The following CPVL variants were observed in gnomAD, a reference collection of about 807,000 sequenced individuals.
CPVL encodes the protein probable serine carboxypeptidase CPVL.
A neutral mutation model predicts 63.7 loss-of-function variants in CPVL; 51 were observed. That is an observed-to-expected ratio of 0.80 (90% CI 0.64 to 1.01). CPVL has a LOEUF of 1.01. Ranked by LOEUF, CPVL falls within the 50% of genes least tolerant of loss-of-function variation. The pLI is 0.00. For synonymous variants in CPVL, 195 were observed against 206.0 expected (o/e 0.95, Z 0.46); for missense variants, 530 against 573.1 (o/e 0.92, Z 0.77).
At chr7:29,023,214 C>T (rs1460753537) in intron 12 of CPVL, among the ~76,000 whole-genome samples, 2 of 152,188 alleles carry the variant, frequency 1.3e-5, no homozygotes, top group Non-Finnish European at 2.9e-5. Flanking sequence ...TAAAGACATA[C>T]CTGAGACTGG....
intron 1 of CPVL, 86 bp from the exon 2 acceptor site, chr7:29,121,157 CTT>C (rs1342870936): frequency 1.5e-6 from 2 of 1,304,788 alleles, no homozygotes; most frequent in African/African-American, 3.0e-5. Context: ...CATTTATTCA[CTT>C]AAAAAAAATA....
rs61149915 is a variant in CPVL, at chr7:29,071,201, G to A, written c.864+572C>T. ...ACTGAGAAAGAAAAGAGTGAAGAAC[G>A]TAATTATTGATTCTCAAGTTTAATT... On this transcript the variant is annotated intron_variant, in intron 9 of 12. Transcript: ENST00000265394. Among the ~76,000 whole-genome samples, 5 of 152,078 alleles carry A rather than the reference G, an allele frequency of 3.3e-5. 1 individual carries two copies. Among genetic ancestry groups the A allele is most frequent in the African/African-American group, 1.2e-4 (5 of 41,396 alleles).
rs534734943 is a variant in CPVL at position 29,174,333 on chromosome 7, G to A, written c.-11+6957C>T. Among the ~76,000 whole-genome samples the A allele has an allele frequency of 1.9e-4, 29 of 152,264 alleles. 1 individual carries two copies. The South Asian group carries it at 5.8e-3, about 31-fold the overall frequency. On this transcript the variant is annotated intron_variant, in intron 5 of 16. Transcript: ENST00000409850. Reference sequence around the variant, plus strand: ...TATGCAGGCACATATCTGCTTCTGGGGAAAGGACAGAAGCAAAAGTCATCA... The same window carrying A: ...TATGCAGGCACATATCTGCTTCTGGAGAAAGGACAGAAGCAAAAGTCATCA...
chr7:29,178,677 A>G (rs73306227), intron 5 of CPVL, among the ~76,000 whole-genome samples: 38 of 152,342 alleles, frequency 2.5e-4, no homozygotes, highest in African/African-American at 9.1e-4. Context: ...CTCAGGGTCT[A>G]TACCTATGCC....
chr7:29,073,336 A>G (rs1320686092), intron 7 of CPVL, among the ~76,000 whole-genome samples: 1 of 152,142 alleles, frequency 6.6e-6, no homozygotes, highest in African/African-American at 2.4e-5. Flanking sequence ...CCAGAGTCCA[A>G]TGTCTTCTCA....
intron 1 of CPVL, among the ~76,000 whole-genome samples, chr7:29,131,373 G>A (rs1027612411): frequency 1.3e-5 from 2 of 152,150 alleles, no homozygotes; most frequent in South Asian, 2.1e-4. Flanking sequence ...ACCACTCCCT[G>A]AAGTGACAAG....
At chr7:29,133,472 G>A (rs1391072370) in intron 1 of CPVL, among the ~76,000 whole-genome samples, 1 of 152,110 alleles carries the variant, frequency 6.6e-6, no homozygotes, top group East Asian at 1.9e-4. Context: ...ACTAAAGAGT[G>A]GTCTCATCAC....
chr7:29,030,726 C>T lies in CPVL; in HGVS notation c.1171G>A (p.Val391Met), dbSNP rs776719397. The T allele has an allele frequency of 2.5e-5, 40 of 1,611,604 alleles. No homozygotes were observed. In the East Asian group the frequency reaches 6.7e-4, roughly 27 times the overall value. The change falls in exon 12 of 13, where the codon GTG (valine) becomes ATG (methionine). Residue 391 changes from valine to methionine, a missense_variant. Transcript: ENST00000265394. ...LIYNGQLDIIVAAALTERSLM... is the reference protein window; with the variant it reads ...LIYNGQLDIIMAAALTERSLM... ...GAGCGCTCTGTCAGGGCAGCTGCCACGATGATGTCCAGTTGGCCATTGTAG... is the reference window on the plus strand; with the variant it reads ...GAGCGCTCTGTCAGGGCAGCTGCCATGATGATGTCCAGTTGGCCATTGTAG...
At chr7:29,183,928 G>A (rs1385588424) in intron 4 of CPVL, among the ~76,000 whole-genome samples, 2 of 151,922 alleles carry the variant, frequency 1.3e-5, no homozygotes, top group African/African-American at 2.4e-5. Context: ...AAACAATGGG[G>A]CATAACAACG....
At chr7:29,002,670 T>C (rs776712031) in intron 12 of CPVL, among the ~76,000 whole-genome samples, 3 of 151,896 alleles carry the variant, frequency 2.0e-5, no homozygotes, top group Non-Finnish European at 4.4e-5. Context: ...ATTCACAAGA[T>C]AATTAGAATA....
chr7:29,054,644 G>A (rs768983714), intron 11 of CPVL, among the ~76,000 whole-genome samples: 2 of 152,130 alleles, frequency 1.3e-5, no homozygotes, highest in Non-Finnish European at 2.9e-5. Flanking sequence ...ACATGTGTCT[G>A]TGCATTCATA....
At chr7:29,168,859 C>T (rs921342521) in intron 5 of CPVL, among the ~76,000 whole-genome samples, 3 of 152,186 alleles carry the variant, frequency 2.0e-5, no homozygotes, top group African/African-American at 4.8e-5. Context: ...TTTACATATG[C>T]GTGTTTACCA....
intron 12 of CPVL, among the ~76,000 whole-genome samples, chr7:29,022,459 C>T (rs1276143491): frequency 2.0e-5 from 3 of 152,196 alleles, no homozygotes; most frequent in Non-Finnish European, 4.4e-5. Flanking sequence ...TGATCAACCA[C>T]ACACACTGCC....
intron 11 of CPVL, among the ~76,000 whole-genome samples, chr7:29,048,063 C>G (rs980795687): frequency 6.6e-6 from 1 of 152,098 alleles, no homozygotes; most frequent in African/African-American, 2.4e-5. Context: ...TGAAACAAAT[C>G]CTGGAAACAC....
rs142816565 is a variant in CPVL at position 29,075,585 on chromosome 7, T to A, written c.610-3162A>T. ...CCTGGAATATACCACGGGTCTGAGG[T>A]CCCCCAAGGTGGAACTACATCTTGG... On this transcript the variant is annotated intron_variant, in intron 7 of 12. Coordinates refer to ENST00000265394, the MANE Select transcript of CPVL (RefSeq NM_031311.5). Among the ~76,000 whole-genome samples the A allele has an allele frequency of 2.4e-3, 360 of 147,542 alleles. 2 individuals carry two copies. The highest frequency in any genetic ancestry group is 8.3e-3 in the African/African-American group (334 of 40,174).
chr7:29,081,581 A>T (rs1269973093), intron 7 of CPVL: 2 of 152,138 alleles, frequency 1.3e-5, no homozygotes, highest in Non-Finnish European at 2.9e-5. Context: ...ATTTTTTTTT[A>T]GACAAAGTAA....
chr7:29,021,044 G>A (rs1786916238), intron 12 of CPVL, among the ~76,000 whole-genome samples: 1 of 152,068 alleles, frequency 6.6e-6, no homozygotes, highest in Non-Finnish European at 1.5e-5. Context: ...CAGGTGTGGT[G>A]GTACATGCCT....
At chr7:29,176,358 G>A (rs1371694213) in intron 5 of CPVL, among the ~76,000 whole-genome samples, 4 of 151,402 alleles carry the variant, frequency 2.6e-5, no homozygotes, top group Non-Finnish European at 5.9e-5. Flanking sequence ...AAACAGAGAG[G>A]AAAAAGAAAA....
At chr7:29,096,032 A>G (rs778178210) in intron 4 of CPVL, 71 bp downstream of exon 4, 1 of 1,181,384 alleles carries the variant, frequency 8.5e-7, no homozygotes. Flanking sequence ...GTTTACTCTA[A>G]ATTAGTTTTG....
Sources: allele counts gnomAD v4.1 joint callset (sites outside exome capture counted in the v4.1 genomes callset), GRCh38; gene constraint gnomAD v4.1.1; transcripts MANE v1.5; gene names NCBI Gene and HGNC (gene_info 2026-07-23, HGNC 2026-07-21).